IL1RAPL1: variants seen among roughly 807,000 people sequenced by gnomAD.
IL1RAPL1 encodes interleukin 1 receptor accessory protein like 1.
Under a neutral mutation model 48.4 loss-of-function variants are expected in IL1RAPL1, and 3 were observed. The observed-to-expected ratio is 0.06, with a 90% CI of 0.03 to 0.16. The LOEUF (loss-of-function observed/expected upper bound fraction) is 0.16, where lower values mean the gene tolerates loss of function less well. IL1RAPL1 is among the 10% of genes least tolerant of loss of function. IL1RAPL1 has a pLI of 1.00. For missense variants in IL1RAPL1, 349 were observed against 530.6 expected (o/e 0.66, Z 3.36); for synonymous variants, 185 against 187.7 (o/e 0.99, Z 0.12).
intron 1 of IL1RAPL1, among the ~76,000 whole-genome samples, chrX:28,635,522 A>G (rs918022980): frequency 2.7e-5 from 3 of 111,657 alleles, no homozygotes; most frequent in African/African-American, 9.8e-5. Flanking sequence ...AGTCAACACT[A>G]TTTTTTTATA....
chrX:29,524,066 A>G (rs995757970), intron 5 of IL1RAPL1, among the ~76,000 whole-genome samples: 1 of 110,796 alleles, frequency 9.0e-6, no homozygotes, highest in African/African-American at 3.3e-5. Context: ...CAATAATATT[A>G]TATAATCTAT....
chrX:29,096,870 A>C (rs1928227191), intron 2 of IL1RAPL1, among the ~76,000 whole-genome samples: 1 of 110,628 alleles, frequency 9.0e-6, no homozygotes, highest in Non-Finnish European at 1.9e-5. Flanking sequence ...AATCATTCAG[A>C]GACCATGTAG....
chrX:28,795,712 A>G (rs1362964980), intron 2 of IL1RAPL1, among the ~76,000 whole-genome samples: 1 of 110,979 alleles, frequency 9.0e-6, no homozygotes, highest in Non-Finnish European at 1.9e-5. Context: ...TATTGCTTAT[A>G]ATAAGTAATA....
At chrX:29,413,553 G>C (rs750797397) in intron 5 of IL1RAPL1, among the ~76,000 whole-genome samples, 1 of 95,189 alleles carries the variant, frequency 1.1e-5, no homozygotes, top group South Asian at 5.0e-4. Context: ...CCCTTCCTGT[G>C]TCCATGTGTT....
At chrX:28,957,049 T>C (rs1193906762) in intron 2 of IL1RAPL1, among the ~76,000 whole-genome samples, 1 of 110,988 alleles carries the variant, frequency 9.0e-6, no homozygotes, top group Non-Finnish European at 1.9e-5. Context: ...TTTATTTGCG[T>C]AGAGGTGTTT....
At chrX:29,221,620 T>TACACACACACACACACAC (rs35088625) in intron 2 of IL1RAPL1, among the ~76,000 whole-genome samples, 14 of 79,559 alleles carry the variant, frequency 1.8e-4, no homozygotes, top group Non-Finnish European at 2.0e-4. Flanking sequence ...TACACACACA[T>TACACACACACACACACAC]ACACACACAC....
chrX:28,644,902 TC>T (rs1934589513), intron 1 of IL1RAPL1, among the ~76,000 whole-genome samples: 1 of 111,528 alleles, frequency 9.0e-6, no homozygotes, highest in Non-Finnish European at 1.9e-5. Flanking sequence ...TGCCTCTTCA[TC>T]CTTTTCATAC....
At chrX:29,831,719 G>T (rs749208530) in intron 6 of IL1RAPL1, among the ~76,000 whole-genome samples, 1 of 111,527 alleles carries the variant, frequency 9.0e-6, no homozygotes, top group Non-Finnish European at 1.9e-5. Flanking sequence ...CTTAAGTCCT[G>T]AAAGTGGAGA....
At position 29,282,933 on chromosome X, in the gene IL1RAPL1, G is replaced by A. The variant is rs375333771; in HGVS notation, c.83-5G>A. 42 of 1,207,235 alleles carry A rather than the reference G, an allele frequency of 3.5e-5. No individual in the cohort carries two copies. Among genetic ancestry groups the A allele is most frequent in the South Asian group, 8.8e-5 (5 of 56,597 alleles). ...TCTCTTTCTCTGTCTCTTTTTTTAC[G>A]ATAGCCGATGGATGCACTGACTGGT... On this transcript the variant is annotated splice_region_variant and splice_polypyrimidine_tract_variant and intron_variant, in intron 2 of 10. Transcript: ENST00000378993.
intron 2 of IL1RAPL1, among the ~76,000 whole-genome samples, chrX:28,954,318 A>C (rs1013762028): frequency 2.7e-5 from 3 of 111,112 alleles, no homozygotes; most frequent in Non-Finnish European, 5.7e-5. Context: ...AAGGGGTTTG[A>C]ATTCCAGCTC....
intron 5 of IL1RAPL1, among the ~76,000 whole-genome samples, chrX:29,616,730 A>G (rs112957277): frequency 0.033 from 3,640 of 110,934 alleles, 65 homozygotes; most frequent in Non-Finnish European, 0.052. Flanking sequence ...AGAGGTGTGC[A>G]CTAAACTTGC....
intron 5 of IL1RAPL1, among the ~76,000 whole-genome samples, chrX:29,418,121 A>ATTTTT (rs1347883796): frequency 3.2e-4 from 13 of 40,295 alleles, no homozygotes; most frequent in African/African-American, 9.1e-4. Context: ...ATATATATAT[A>ATTTTT]TATATTTTTT....
At chrX:29,815,843 T>C (rs911802134) in intron 6 of IL1RAPL1, among the ~76,000 whole-genome samples, 3 of 111,470 alleles carry the variant, frequency 2.7e-5, no homozygotes, top group Non-Finnish European at 5.7e-5. Flanking sequence ...TCTGTGTCTA[T>C]TGAAATGATC....
At chrX:28,882,940 A>G (rs920954099) in intron 2 of IL1RAPL1, among the ~76,000 whole-genome samples, 3 of 112,126 alleles carry the variant, frequency 2.7e-5, no homozygotes, top group Non-Finnish European at 5.6e-5. Flanking sequence ...CTATAAATCC[A>G]TAATAATAGA....
chrX:29,028,193 C>T (rs1926530296), intron 2 of IL1RAPL1, among the ~76,000 whole-genome samples: 1 of 109,775 alleles, frequency 9.1e-6, no homozygotes, highest in Non-Finnish European at 1.9e-5. Context: ...ATCGCTTGGA[C>T]TTATTCCCCC....
At chrX:29,669,629 G>A (rs746906701) in intron 6 of IL1RAPL1, among the ~76,000 whole-genome samples, 1 of 111,564 alleles carries the variant, frequency 9.0e-6, no homozygotes, top group Non-Finnish European at 1.9e-5. Context: ...CACTTGAAAT[G>A]CTTATATTTG....
At chrX:29,925,412 GTTTT>G (rs763481708) in intron 8 of IL1RAPL1, among the ~76,000 whole-genome samples, 13 of 11,457 alleles carry the variant, frequency 1.1e-3, no homozygotes, top group African/African-American at 4.2e-3. Flanking sequence ...TCCCGTAACT[GTTTT>G]TTTTTTTTTT....
At chrX:29,209,887 A>G (rs1267558379) in intron 2 of IL1RAPL1, among the ~76,000 whole-genome samples, 1 of 112,106 alleles carries the variant, frequency 8.9e-6, no homozygotes, top group Non-Finnish European at 1.9e-5. Context: ...ATGTCACCAT[A>G]TACATGTGGT....
chrX:29,891,694 G>T (rs1363918973), intron 6 of IL1RAPL1, among the ~76,000 whole-genome samples: 1 of 111,449 alleles, frequency 9.0e-6, no homozygotes, highest in Non-Finnish European at 1.9e-5. Context: ...GAGTTGGATG[G>T]CTTGATGAAT....
Sources: allele counts gnomAD v4.1 joint callset (sites outside exome capture counted in the v4.1 genomes callset), GRCh38; gene constraint gnomAD v4.1.1; transcripts MANE v1.5; gene names NCBI Gene and HGNC (gene_info 2026-07-23, HGNC 2026-07-21).